Variants in UBASH3B observed in about 807,000 individuals in gnomAD.
UBASH3B encodes ubiquitin-associated and SH3 domain-containing protein B.
A neutral mutation model predicts 83.4 loss-of-function variants in UBASH3B; 37 were observed. That is an observed-to-expected ratio of 0.44 (90% confidence interval 0.34 to 0.58). The LOEUF (loss-of-function observed/expected upper bound fraction) is 0.58. Ranked by LOEUF, UBASH3B falls within the 20% of genes least tolerant of loss-of-function variation. UBASH3B has a pLI of 0.01. For synonymous variants in UBASH3B, 304 were observed against 318.3 expected (o/e 0.96, Z 0.48); for missense variants, 657 against 827.2 (o/e 0.79, Z 2.52).
rs757343573 is a variant in UBASH3B, at chr11:122,721,159, C to T, written c.162-55060C>T. Among the ~76,000 whole-genome samples, 5 of 147,748 alleles carry T rather than the reference C, an allele frequency of 3.4e-5. No homozygotes were observed. The South Asian group carries it at 6.4e-4, about 19-fold the overall frequency. The stretch of plus-strand genomic sequence containing the variant: ...ACTCTGGAGGCTGAGTCAGGAGAAT[C>T]GCTTGAACCCGGTGGTGGAGGTTTG... On this transcript the variant is annotated intron_variant, in intron 1 of 13. Transcript: ENST00000284273.
At position 122,777,189 on chromosome 11, in the gene UBASH3B, C is replaced by T; in HGVS notation, c.381C>T (p.Ile127=). 2.5e-6 allele frequency: 4 copies of T among 1,613,578 alleles called. No homozygotes were observed. Among genetic ancestry groups the T allele is most frequent in the Non-Finnish European group, 3.4e-6 (4 of 1,179,734 alleles). Residue 127 remains isoleucine (I), a synonymous_variant, in exon 3 of 14, where the codon ATC becomes ATT. Coordinates refer to ENST00000284273, the MANE Select transcript of UBASH3B (RefSeq NM_032873.5). ...AGGCACACAACATCTTCCCCCACAT[C>T]ACACTCTGCCAGTTCTTTATGGTGA... is the stretch of plus-strand genomic sequence containing the variant. ...KNKAHNIFPH[I]TLCQFFMCED... is the part of the protein sequence containing the mutation.
chr11:122,742,537 C>T (rs915357370), intron 1 of UBASH3B, among the ~76,000 whole-genome samples: 8 of 152,190 alleles, frequency 5.3e-5, no homozygotes, highest in Non-Finnish European at 1.0e-4. Context: ...GCTTGTTTTG[C>T]GGTCCACTCT....
At chr11:122,730,916 C>G (rs1860834290) in intron 1 of UBASH3B, among the ~76,000 whole-genome samples, 1 of 152,206 alleles carries the variant, frequency 6.6e-6, no homozygotes, top group Admixed American at 6.5e-5. Flanking sequence ...TCTTATTCAC[C>G]TTCTGTCCTT....
chr11:122,756,066 G>A (rs1861277904), intron 1 of UBASH3B, among the ~76,000 whole-genome samples: 2 of 134,840 alleles, frequency 1.5e-5, no homozygotes, highest in South Asian at 4.6e-4. Flanking sequence ...TCCCGATTTA[G>A]GCATAAGCAT....
chr11:122,796,118 C>A (rs765743462), intron 7 of UBASH3B, 38 bp from the exon 8 acceptor site: 2 of 1,610,088 alleles, frequency 1.2e-6, no homozygotes, highest in South Asian at 1.1e-5. Flanking sequence ...TCCACTTTGC[C>A]ATGTGTGTCT....
At chr11:122,771,894 T>C (rs1257363622) in intron 1 of UBASH3B, among the ~76,000 whole-genome samples, 3 of 152,090 alleles carry the variant, frequency 2.0e-5, no homozygotes, top group Non-Finnish European at 2.9e-5. Flanking sequence ...TTAGGATCAG[T>C]TGGGGCACTG....
chr11:122,746,309 TCCATGCCAA>T (rs1324999796), intron 1 of UBASH3B, among the ~76,000 whole-genome samples: 1 of 152,120 alleles, frequency 6.6e-6, no homozygotes, highest in Non-Finnish European at 1.5e-5. Flanking sequence ...GTAGGGAGGT[TCCATGCCAA>T]AAGGGTAGAG....
intron 1 of UBASH3B, among the ~76,000 whole-genome samples, chr11:122,701,177 T>G (rs1267144684): frequency 6.6e-6 from 1 of 152,240 alleles, no homozygotes; most frequent in Non-Finnish European, 1.5e-5. Context: ...GTCCAAGACG[T>G]TAATAACTCT....
chr11:122,801,653 A>G (rs1861261191), intron 11 of UBASH3B, among the ~76,000 whole-genome samples: 1 of 152,204 alleles, frequency 6.6e-6, no homozygotes, highest in Non-Finnish European at 1.5e-5. Context: ...AGTTGAGAAG[A>G]TTGGAGCGAT....
rs1443774082 is a variant in UBASH3B at position 122,806,747 on chromosome 11, C to A, written c.1702+231C>A. Among the ~76,000 whole-genome samples, 1 of 152,160 alleles carries A rather than the reference C, an allele frequency of 6.6e-6. No homozygotes were observed. Among genetic ancestry groups the A allele is most frequent in the East Asian group, 1.9e-4 (1 of 5,198 alleles). On this transcript the variant is annotated intron_variant, in intron 12 of 13. Transcript: ENST00000284273. The surrounding 1 kb of genome is among the most constrained non-coding windows in gnomAD (Gnocchi z 4.0). Reference sequence around the variant, plus strand: ...GTTACTATTCTTAATAACTTAAATTCTGCGTTATAGCTATTCTTCTTGCAC... The same window carrying A: ...GTTACTATTCTTAATAACTTAAATTATGCGTTATAGCTATTCTTCTTGCAC...
chr11:122,677,322 C>G (rs1408087099), intron 1 of UBASH3B, among the ~76,000 whole-genome samples: 1 of 152,158 alleles, frequency 6.6e-6, no homozygotes, highest in Non-Finnish European at 1.5e-5. Context: ...CCTATGGATA[C>G]CAAGGGAGTA....
At chr11:122,779,266 A>C in intron 3 of UBASH3B, 1 of 580,734 alleles carries the variant, frequency 1.7e-6, no homozygotes. Context: ...CTTCACAGCA[A>C]GGAAAGGAGG....
Position 122,796,146 on chromosome 11 carries a change from T to G in UBASH3B, c.1114-10T>G, listed in dbSNP as rs115093593. ...GTGTGTCTTCACTAATAGCCTTTCT[T>G]TCTCTGCAGCCGCTGAGGGTCAACA... On this transcript the variant is annotated splice_polypyrimidine_tract_variant and intron_variant, in intron 7 of 13. Transcript: ENST00000284273. 770 of 1,613,950 alleles carry G rather than the reference T, an allele frequency of 4.8e-4. 2 individuals are homozygous for G. The African/African-American group carries it at 9.3e-3, about 19-fold the overall frequency.
chr11:122,665,198 G>A (rs58250143), intron 1 of UBASH3B, among the ~76,000 whole-genome samples: 6,970 of 152,162 alleles, frequency 0.046, 349 homozygotes, highest in East Asian at 0.13. Flanking sequence ...CGCCCGGCTC[G>A]TGTGTGTTTC....
At chr11:122,798,120 G>C (rs1190552988) in intron 9 of UBASH3B, among the ~76,000 whole-genome samples, 1 of 152,056 alleles carries the variant, frequency 6.6e-6, no homozygotes, top group African/African-American at 2.4e-5. Flanking sequence ...CTGCACTCCA[G>C]CCTGAGTGAC....
chr11:122,800,520 C>T (rs1306759474), intron 10 of UBASH3B, among the ~76,000 whole-genome samples: 1 of 151,502 alleles, frequency 6.6e-6, no homozygotes, highest in Non-Finnish European at 1.5e-5. Context: ...TACCACTGCA[C>T]TTCAGCCTAG....
chr11:122,746,066 G>A lies in UBASH3B; in HGVS notation c.162-30153G>A, dbSNP rs151254927. Reference sequence around the variant, plus strand: ...TGTGGGATGGATGAACGGATGGGTGGGTGGGCAGACGGATAATTAGATGAA... The same window carrying A: ...TGTGGGATGGATGAACGGATGGGTGAGTGGGCAGACGGATAATTAGATGAA... On this transcript the variant is annotated intron_variant, in intron 1 of 13. Coordinates refer to ENST00000284273, the MANE Select transcript of UBASH3B (RefSeq NM_032873.5). Among the ~76,000 whole-genome samples the A allele has an allele frequency of 4.3e-3, 651 of 152,232 alleles. 1 individual carries two copies. The highest frequency in any genetic ancestry group is 7.3e-3 in the Non-Finnish European group (495 of 68,020).
intron 1 of UBASH3B, among the ~76,000 whole-genome samples, chr11:122,698,283 C>A (rs1333834215): frequency 8.5e-5 from 13 of 152,128 alleles, no homozygotes; most frequent in Non-Finnish European, 1.9e-4. Flanking sequence ...CATAGTCACG[C>A]CAAATTTTTG....
intron 5 of UBASH3B, 73 bp from the exon 6 acceptor site, chr11:122,789,027 T>C (rs2135160918): frequency 2.2e-6 from 3 of 1,383,974 alleles, no homozygotes; most frequent in Non-Finnish European, 3.0e-6. Context: ...ATGCAGAACA[T>C]ACAGTCCTGC....
Sources: allele counts gnomAD v4.1 joint callset (sites outside exome capture counted in the v4.1 genomes callset), GRCh38; gene constraint gnomAD v4.1.1; non-coding constraint Gnocchi (gnomAD v3.1); transcripts MANE v1.5; gene names NCBI Gene and HGNC (gene_info 2026-07-23, HGNC 2026-07-21).